Variants in BICD1 observed in about 807,000 individuals in gnomAD.
The protein encoded by BICD1 is BICD cargo adaptor 1, also known as protein bicaudal D homolog 1.
BICD1 carries 35 observed loss-of-function variants against 92.5 expected under a neutral mutation model. That is an observed-to-expected ratio of 0.38 (90% confidence interval 0.29 to 0.50). The LOEUF (loss-of-function observed/expected upper bound fraction) is 0.50, where lower values mean the gene tolerates loss of function less well. Among genes scored for constraint, BICD1 ranks in the 20% least tolerant of loss-of-function variants. BICD1 has a pLI of 0.93. For synonymous variants in BICD1, 429 were observed against 465.1 expected (o/e 0.92, Z 1.00); for missense variants, 950 against 1,189.8 (o/e 0.80, Z 2.97).
At chr12:32,345,943 G>A (rs180888765) in intron 8 of BICD1, among the ~76,000 whole-genome samples, 1 of 152,224 alleles carries the variant, frequency 6.6e-6, no homozygotes, top group East Asian at 1.9e-4. Flanking sequence ...GAGCCCAGGA[G>A]TTCAAGACCA....
chr12:32,129,480 G>C (rs1183395025), intron 1 of BICD1, among the ~76,000 whole-genome samples: 1 of 146,274 alleles, frequency 6.8e-6, no homozygotes, highest in Admixed American at 6.9e-5. Flanking sequence ...AGCTGAGATG[G>C]CGCAACTATA....
intron 1 of BICD1, among the ~76,000 whole-genome samples, chr12:32,179,947 G>A (rs1386404724): frequency 4.2e-5 from 6 of 142,218 alleles, no homozygotes; most frequent in Non-Finnish European, 7.5e-5. Context: ...CCGACATTGC[G>A]CTACTGCACT....
At chr12:32,142,453 C>CCCATCTATCTATCTATCTATCTAT (rs1555134301) in intron 1 of BICD1, among the ~76,000 whole-genome samples, 1 of 112,882 alleles carries the variant, frequency 8.9e-6, no homozygotes. Context: ...ACCTATCTAT[C>CCCATCTATCTATCTATCTATCTAT]CTATCTATCT....
chr12:32,295,096 A>G (rs1269828078), intron 3 of BICD1, among the ~76,000 whole-genome samples: 1 of 147,206 alleles, frequency 6.8e-6, no homozygotes, highest in South Asian at 2.2e-4. Flanking sequence ...AAAAAAAAAA[A>G]AAAGAAAAAG....
In BICD1 at chr12:32,183,152, C is replaced by T. The variant is rs570506650; in HGVS notation, c.214-33095C>T. Reference sequence around the variant, plus strand: ...CTGGCCTCAAGTGATCCTCCCTTCTCGGCCTCCCAAATCCTGGGATTACAG... The same window carrying T: ...CTGGCCTCAAGTGATCCTCCCTTCTTGGCCTCCCAAATCCTGGGATTACAG... On this transcript the variant is annotated intron_variant, in intron 1 of 9. Transcript: ENST00000652176. 3.6e-4 allele frequency among the ~76,000 whole-genome samples: 55 copies of T among 151,856 alleles called. 2 individuals are homozygous for T. In the South Asian group the frequency reaches 8.1e-3, roughly 22 times the overall value.
At chr12:32,146,820 T>TCCCC (rs1430744588) in intron 1 of BICD1, among the ~76,000 whole-genome samples, 1 of 97,588 alleles carries the variant, frequency 1.0e-5, no homozygotes, top group African/African-American at 3.8e-5. Flanking sequence ...CCTCCCTCCC[T>TCCCC]CCCTCCCTCC....
intron 2 of BICD1, among the ~76,000 whole-genome samples, chr12:32,237,834 C>G (rs552278430): frequency 1.3e-5 from 2 of 152,340 alleles, no homozygotes; most frequent in Non-Finnish European, 1.5e-5. Flanking sequence ...AAGGAGATGA[C>G]TGTTGTTTTC....
chr12:32,233,641 C>G (rs970475001), intron 2 of BICD1, among the ~76,000 whole-genome samples: 1 of 150,564 alleles, frequency 6.6e-6, no homozygotes, highest in African/African-American at 2.4e-5. Flanking sequence ...GATCTGTGCA[C>G]AATCCATTTT....
Position 32,300,631 on chromosome 12 carries a change from A to ATTT in BICD1, c.580-5039_580-5037dup, listed in dbSNP as rs34219566. ...GTTGAGAGGAAGATGACTTTACAGT[A>ATTT]TTTTTTTTTTTTTTTTTTTTTTTTT... On this transcript the variant is annotated intron_variant, in intron 3 of 9. Coordinates refer to ENST00000652176, the MANE Select transcript of BICD1 (RefSeq NM_001714.4). Among the ~76,000 whole-genome samples, 468 of 80,578 alleles carry ATTT rather than the reference A, an allele frequency of 5.8e-3. 80 individuals carry two copies. Among genetic ancestry groups the ATTT allele is most frequent in the Non-Finnish European group, 8.3e-3 (327 of 39,544 alleles). 52.9% of individuals were successfully genotyped at this position (80,578 alleles called of 152,430 possible).
intron 6 of BICD1, among the ~76,000 whole-genome samples, chr12:32,335,914 G>C (rs1938100852): frequency 6.6e-6 from 1 of 152,080 alleles, no homozygotes; most frequent in African/African-American, 2.4e-5. Flanking sequence ...CTTGTATGAT[G>C]CAAACTTGGT....
chr12:32,290,527 T>G (rs1947696842), intron 2 of BICD1, among the ~76,000 whole-genome samples: 1 of 152,242 alleles, frequency 6.6e-6, no homozygotes, highest in Non-Finnish European at 1.5e-5. Context: ...CATGCTCTGC[T>G]AATGTCTCTT....
chr12:32,117,711 T>TATATAC (rs1555126355), intron 1 of BICD1, among the ~76,000 whole-genome samples: 88 of 117,028 alleles, frequency 7.5e-4, no homozygotes, highest in Admixed American at 1.9e-3. Context: ...CAAATATATA[T>TATATAC]ACACACACAC....
chr12:32,358,848 CA>C (rs1939218638), intron 8 of BICD1, among the ~76,000 whole-genome samples: 2 of 152,144 alleles, frequency 1.3e-5, no homozygotes, highest in Non-Finnish European at 2.9e-5. Context: ...CTTTTGCATG[CA>C]AATTGTCTGC....
At chr12:32,221,637 C>G (rs923545923) in intron 2 of BICD1, among the ~76,000 whole-genome samples, 7 of 151,630 alleles carry the variant, frequency 4.6e-5, no homozygotes, top group Non-Finnish European at 1.0e-4. Flanking sequence ...GCCAAGATTG[C>G]GCCACTGTAC....
intron 2 of BICD1, among the ~76,000 whole-genome samples, chr12:32,259,443 A>G (rs186019385): frequency 7.9e-5 from 12 of 152,328 alleles, no homozygotes; most frequent in African/African-American, 2.9e-4. Flanking sequence ...TGGTTATCCT[A>G]ACAGTGACAC....
In BICD1 at chr12:32,256,988, G is replaced by T. The variant is rs556527834; in HGVS notation, c.427-37006G>T. On this transcript the variant is annotated intron_variant, in intron 2 of 9. Coordinates refer to ENST00000652176, the MANE Select transcript of BICD1 (RefSeq NM_001714.4). ...CCAGCACTTTGAGAGGCCAAGGCGGGCGGATCACAAGTTCAAGAGATCAAG... is the reference window on the plus strand; with the variant it reads ...CCAGCACTTTGAGAGGCCAAGGCGGTCGGATCACAAGTTCAAGAGATCAAG... Among the ~76,000 whole-genome samples the T allele has an allele frequency of 1.5e-4, 23 of 152,268 alleles. 1 individual carries two copies. The South Asian group carries it at 3.9e-3, about 26-fold the overall frequency.
intron 2 of BICD1, among the ~76,000 whole-genome samples, chr12:32,274,987 CACATTGTAA>C (rs1306504607): frequency 6.9e-6 from 1 of 144,052 alleles, no homozygotes; most frequent in Non-Finnish European, 1.5e-5. Flanking sequence ...ATAGTCTTGG[CACATTGTAA>C]ACATTGTGTA....
Position 32,327,769 on chromosome 12 carries a change from G to A in BICD1, c.1314G>A (p.Lys438=). ...TGAAAGCTGAAATTAAGGCCTTAAA[G>A]GAGAAATATAATAAATCTGTAGAAA... ...IDLKAEIKAL[K]EKYNKSVENY... The change falls in exon 5 of 10, where the codon AAG becomes AAA. Residue 438 remains lysine (K), a synonymous_variant. Transcript: ENST00000652176. The A allele has an allele frequency of 6.2e-7, 1 of 1,614,150 alleles. No homozygotes were observed.
chr12:32,220,331 C>A (rs1239596), intron 2 of BICD1, among the ~76,000 whole-genome samples: 1 of 151,946 alleles, frequency 6.6e-6, no homozygotes, highest in African/African-American at 2.4e-5. Context: ...AGAAAATTTT[C>A]GCAACCTACT....
Sources: allele counts gnomAD v4.1 joint callset (sites outside exome capture counted in the v4.1 genomes callset), GRCh38; gene constraint gnomAD v4.1.1; transcripts MANE v1.5; gene names NCBI Gene and HGNC (gene_info 2026-07-23, HGNC 2026-07-21).